Variants in COL10A1 observed in about 807,000 individuals in gnomAD.
COL10A1 encodes collagen alpha-1(X) chain.
A neutral mutation model predicts 18.2 loss-of-function variants in COL10A1; 10 were observed. The observed-to-expected ratio is 0.55, with a 90% CI of 0.34 to 0.93. The LOEUF (loss-of-function observed/expected upper bound fraction) is 0.93. COL10A1 is among the 40% of genes least tolerant of loss of function. The probability of loss-of-function intolerance (pLI) is 0.02; values close to 1 mark genes in which losing one functional copy is unlikely to be tolerated. For synonymous variants in COL10A1, 330 were observed against 316.6 expected (o/e 1.04, Z -0.45); for missense variants, 897 against 853.5 (o/e 1.05, Z -0.64).
At chr6:116,140,203 C>G (rs889963157) in intron 1 of COL10A1, among the ~76,000 whole-genome samples, 5 of 152,164 alleles carry the variant, frequency 3.3e-5, no homozygotes, top group African/African-American at 1.2e-4. Context: ...TATTCCTCTT[C>G]TGTTTAATTT....
the COL10A1 span, among the ~76,000 whole-genome samples, chr6:116,201,233 A>T: frequency 6.6e-6 from 1 of 152,092 alleles, no homozygotes; most frequent in Non-Finnish European, 1.5e-5. Flanking sequence ...AACTACAATT[A>T]GTTACCTCTA....
upstream of COL10A1, among the ~76,000 whole-genome samples, chr6:116,163,141 A>AAATATATATAT (rs761718922): frequency 2.6e-3 from 227 of 88,336 alleles, 5 homozygotes; most frequent in African/African-American, 0.012. Context: ...AAAAAAAAAA[A>AAATATATATAT]ATATATATAT....
At chr6:116,213,475 A>G in the COL10A1 span, among the ~76,000 whole-genome samples, 2 of 152,048 alleles carry the variant, frequency 1.3e-5, no homozygotes, top group Admixed American at 6.6e-5. Context: ...TGGAACTAAC[A>G]CAGGGTCATT....
chr6:116,185,920 T>C, the COL10A1 span, among the ~76,000 whole-genome samples: 2 of 152,112 alleles, frequency 1.3e-5, no homozygotes, highest in Non-Finnish European at 1.5e-5. Context: ...AGTTGTTTCC[T>C]GAAAACCTTG....
the COL10A1 span, among the ~76,000 whole-genome samples, chr6:116,183,828 T>C: frequency 0.016 from 2,464 of 151,968 alleles, 37 homozygotes; most frequent in Middle Eastern, 0.034. Flanking sequence ...TCTAGGTATA[T>C]GATCATGTCA....
the COL10A1 span, among the ~76,000 whole-genome samples, chr6:116,183,335 T>C: frequency 2.0e-5 from 3 of 152,128 alleles, no homozygotes; most frequent in African/African-American, 7.2e-5. Flanking sequence ...TCTTTTTGCT[T>C]AGTCTTGCTT....
chr6:116,155,290 A>G (rs528526645), intron 1 of COL10A1, among the ~76,000 whole-genome samples: 1 of 152,248 alleles, frequency 6.6e-6, no homozygotes, highest in Non-Finnish European at 1.5e-5. Context: ...GATATCTGGG[A>G]TAATCTGAGA....
intron 1 of COL10A1, among the ~76,000 whole-genome samples, chr6:116,139,546 G>A (rs1183493370): frequency 6.6e-6 from 1 of 151,978 alleles, no homozygotes; most frequent in Non-Finnish European, 1.5e-5. Context: ...CATTTTACTT[G>A]CAGTGTTAAT....
At chr6:116,145,528 A>T (rs1356227948) in intron 1 of COL10A1, 1 of 314,596 alleles carries the variant, frequency 3.2e-6, no homozygotes, top group African/African-American at 2.1e-5. Flanking sequence ...TTATTTCATT[A>T]GAACTCCTGT....
chr6:116,172,232 G>A, the COL10A1 span, among the ~76,000 whole-genome samples: 1 of 151,026 alleles, frequency 6.6e-6, no homozygotes, highest in Non-Finnish European at 1.5e-5. Context: ...TATATAATAA[G>A]TGGTTTTAAG....
chr6:116,152,239 C>T (rs1780061178), intron 1 of COL10A1, among the ~76,000 whole-genome samples: 1 of 152,116 alleles, frequency 6.6e-6, no homozygotes, highest in Admixed American at 6.5e-5. Flanking sequence ...AATACAGGAG[C>T]TGTGCATTTA....
At chr6:116,181,766 A>T in the COL10A1 span, among the ~76,000 whole-genome samples, 1 of 151,744 alleles carries the variant, frequency 6.6e-6, no homozygotes, top group Non-Finnish European at 1.5e-5. Context: ...AGACCTAAAT[A>T]AATGGGAGCT....
chr6:116,208,397 G>A, the COL10A1 span, among the ~76,000 whole-genome samples: 3 of 152,046 alleles, frequency 2.0e-5, no homozygotes, highest in Non-Finnish European at 2.9e-5. Flanking sequence ...TTTTAAAACC[G>A]TTTGAAATGA....
At chr6:116,131,385 T>C (rs79395561) in intron 1 of COL10A1, among the ~76,000 whole-genome samples, 4,453 of 152,300 alleles carry the variant, frequency 0.029, 236 homozygotes, top group African/African-American at 0.1. Flanking sequence ...TTATCCTTTT[T>C]ATTAAAAAAT....
the COL10A1 span, among the ~76,000 whole-genome samples, chr6:116,205,509 G>T: frequency 6.6e-6 from 1 of 151,868 alleles, no homozygotes; most frequent in African/African-American, 2.4e-5. Flanking sequence ...TCCCTCTGGA[G>T]CCCCACAGTC....
Position 116,121,523 on chromosome 6 carries a change from C to T in COL10A1, c.593G>A (p.Arg198His), listed in dbSNP as rs148785195. Residue 198 changes from arginine (R) to histidine (H), a missense_variant, in exon 3 of 3, where the codon CGT becomes CAT. Transcript: ENST00000651968. ...GCCTGGAAGACCCCTCTCACCTGGA[C>T]GACCAGGAGCACCATATCCCATTTC... ...KGEMGYGAPG[R>H]PGERGLPGPQ... 3.1e-3 allele frequency: 5,062 copies of T among 1,614,136 alleles called. 14 individuals are homozygous for T. The highest frequency in any genetic ancestry group is 5.7e-3 in the South Asian group (519 of 91,086).
the COL10A1 span, among the ~76,000 whole-genome samples, chr6:116,173,668 A>T: frequency 6.6e-6 from 1 of 152,084 alleles, no homozygotes; most frequent in Non-Finnish European, 1.5e-5. Context: ...TTATTTTTGT[A>T]ATTTATTTAT....
At chr6:116,210,704 A>G in the COL10A1 span, among the ~76,000 whole-genome samples, 3 of 151,984 alleles carry the variant, frequency 2.0e-5, no homozygotes, top group Non-Finnish European at 4.4e-5. Flanking sequence ...TAAATAATCT[A>G]TTTTAAAAGT....
chr6:116,133,456 A>G (rs924326853), intron 1 of COL10A1, among the ~76,000 whole-genome samples: 11 of 152,210 alleles, frequency 7.2e-5, no homozygotes, highest in Admixed American at 6.5e-4. Context: ...GTCACCATCT[A>G]TAGTGTACAA....
Sources: gnomAD v4.1 joint callset for allele counts (sites outside exome capture counted in the v4.1 genomes callset) on GRCh38, gnomAD v4.1.1 for gene constraint, MANE v1.5 for transcripts, NCBI Gene and HGNC (gene_info 2026-07-23, HGNC 2026-07-21) for gene names.